The following PPM1H variants were observed in gnomAD, a reference collection of about 807,000 sequenced individuals.
PPM1H encodes protein phosphatase 1H.
In PPM1H, 27 loss-of-function variants were observed where a neutral mutation model predicts 54.9. The observed-to-expected ratio is 0.49, with a 90% CI of 0.36 to 0.68. PPM1H has a LOEUF of 0.68. Ranked by LOEUF, PPM1H falls within the 30% of genes least tolerant of loss-of-function variation. The pLI is 0.00. For synonymous variants in PPM1H, 305 were observed against 270.8 expected (o/e 1.13, Z -1.24); for missense variants, 596 against 667.8 (o/e 0.89, Z 1.19).
chr12:62,759,194 C>T (rs1404845827), intron 4 of PPM1H, among the ~76,000 whole-genome samples: 5 of 152,320 alleles, frequency 3.3e-5, no homozygotes, highest in East Asian at 3.9e-4. Context: ...CACACGAACA[C>T]GTGAGACATT....
intron 4 of PPM1H, among the ~76,000 whole-genome samples, chr12:62,787,023 T>G (rs2120699377): frequency 6.6e-6 from 1 of 152,288 alleles, no homozygotes; most frequent in South Asian, 2.1e-4. Context: ...CCAAAACCAC[T>G]GCCAGGTCGG....
At position 62,903,089 on chromosome 12, in the gene PPM1H, C is replaced by G. The variant is rs900324808; in HGVS notation, c.245+31403G>C. On this transcript the variant is annotated intron_variant, in intron 1 of 9. Coordinates refer to ENST00000228705, the MANE Select transcript of PPM1H (RefSeq NM_020700.2). ...AACTCACTATGTGAGTTGTCACCCC[C>G]TCCTGAGACACATGGACAGAAAATA... Among the ~76,000 whole-genome samples, 9 of 152,284 alleles carry G rather than the reference C, an allele frequency of 5.9e-5. No homozygotes were observed. The South Asian group carries it at 1.0e-3, about 18-fold the overall frequency.
In PPM1H at chr12:62,649,122, T is replaced by A. The variant is rs540105785; in HGVS notation, c.1398-486A>T. ...TAAAAATCATTTAAAATAAATTTTT[T>A]AAAAAAGTGAGTTAAGGAAAAATGT... is the stretch of plus-strand genomic sequence containing the variant. On this transcript the variant is annotated intron_variant, in intron 9 of 9. Transcript: ENST00000228705. Among the ~76,000 whole-genome samples, 42 of 152,234 alleles carry A rather than the reference T, an allele frequency of 2.8e-4. 1 individual carries two copies. The South Asian group carries it at 3.7e-3, about 14-fold the overall frequency.
At chr12:62,898,052 C>T (rs1182423542) in intron 1 of PPM1H, among the ~76,000 whole-genome samples, 1 of 152,206 alleles carries the variant, frequency 6.6e-6, no homozygotes, top group East Asian at 1.9e-4. Context: ...GCTTGGGGAA[C>T]AGTCACTATA....
chr12:62,800,892 C>G (rs2076764320), intron 3 of PPM1H, among the ~76,000 whole-genome samples: 1 of 152,242 alleles, frequency 6.6e-6, no homozygotes, highest in South Asian at 2.1e-4. Context: ...AGCTGTGGCA[C>G]TCTCCCGAGG....
At chr12:62,900,205 T>G (rs1871123585) in intron 1 of PPM1H, among the ~76,000 whole-genome samples, 1 of 152,220 alleles carries the variant, frequency 6.6e-6, no homozygotes. Context: ...ACTTCCTCGT[T>G]TGGATAAGAA....
intron 1 of PPM1H, among the ~76,000 whole-genome samples, chr12:62,931,968 C>T (rs1370578414): frequency 6.6e-6 from 1 of 151,810 alleles, no homozygotes; most frequent in Admixed American, 6.6e-5. Context: ...AAAAAAGAAA[C>T]GCATGATATG....
chr12:62,725,253 G>A (rs1276502754), intron 5 of PPM1H, among the ~76,000 whole-genome samples: 2 of 152,308 alleles, frequency 1.3e-5, no homozygotes, highest in African/African-American at 4.8e-5. Context: ...TCCCACAAAA[G>A]TTTGGTGTGT....
At chr12:62,931,956 A>C (rs754843672) in intron 1 of PPM1H, among the ~76,000 whole-genome samples, 2 of 152,204 alleles carry the variant, frequency 1.3e-5, no homozygotes, top group Non-Finnish European at 2.9e-5. Flanking sequence ...TATTTTGAGA[A>C]GAAAAAAGAA....
intron 1 of PPM1H, among the ~76,000 whole-genome samples, chr12:62,921,260 A>G (rs1378963981): frequency 1.3e-5 from 2 of 152,010 alleles, no homozygotes; most frequent in East Asian, 3.9e-4. Context: ...TCAATTTATC[A>G]CAAGATTTTT....
At chr12:62,737,404 T>C (rs749250607) in intron 5 of PPM1H, 98 bp downstream of exon 5, 27 of 732,626 alleles carry the variant, frequency 3.7e-5, no homozygotes, top group Non-Finnish European at 5.2e-5. Flanking sequence ...TTGAATGCGG[T>C]GAGCCTGCTC....
intron 9 of PPM1H, 36 bp from the exon 10 acceptor site, chr12:62,648,672 A>G (rs2075799890): frequency 6.2e-7 from 1 of 1,604,924 alleles, no homozygotes; most frequent in Admixed American, 1.7e-5. Context: ...CAGTCAGTAG[A>G]GCATCAGACA....
chr12:62,856,602 A>C (rs1869398615), intron 1 of PPM1H, among the ~76,000 whole-genome samples: 1 of 152,232 alleles, frequency 6.6e-6, no homozygotes, highest in Non-Finnish European at 1.5e-5. Context: ...AAAATGATAA[A>C]TGTTTGAGAT....
At chr12:62,794,583 C>A (rs76888154) in intron 3 of PPM1H, among the ~76,000 whole-genome samples, 1 of 152,220 alleles carries the variant, frequency 6.6e-6, no homozygotes, top group East Asian at 1.9e-4. Context: ...GAGATCCTCC[C>A]GGCTATGTCC....
intron 2 of PPM1H, among the ~76,000 whole-genome samples, chr12:62,821,435 C>A (rs2120815612): frequency 6.6e-6 from 1 of 152,264 alleles, no homozygotes; most frequent in South Asian, 2.1e-4. Flanking sequence ...CACAAAGATA[C>A]TCCTCAAGAA....
rs73127939 is a variant in PPM1H, at chr12:62,731,297, G to C, written c.954+6205C>G. Among the ~76,000 whole-genome samples, 1,346 of 152,210 alleles carry C rather than the reference G, an allele frequency of 8.8e-3. 5 individuals are homozygous for C. The highest frequency in any genetic ancestry group is 0.027 in the Middle Eastern group (8 of 294). On this transcript the variant is annotated intron_variant, in intron 5 of 9. Transcript: ENST00000228705. ...TTTATGACTCAGACATTCTCCCAGG[G>C]AGCAAAACACGGAGATATTGAAACT...
rs1364902564 is a variant in PPM1H at position 62,844,488 on chromosome 12, C to G, written c.246-12209G>C. 6.6e-6 allele frequency among the ~76,000 whole-genome samples: 1 copy of G among 152,184 alleles called. No individual in the cohort carries two copies. The highest frequency in any genetic ancestry group is 1.5e-5 in the Non-Finnish European group (1 of 68,032). On this transcript the variant is annotated intron_variant, in intron 1 of 9. Coordinates refer to ENST00000228705, the MANE Select transcript of PPM1H (RefSeq NM_020700.2). This position sits in a 1 kb window ranked among gnomAD's most constrained non-coding sequence, Gnocchi z 5.2. ...CTACGTAGCCACATTCCCCTCAAGGCTCAAGATAACTTAAAGTTCCAACAG... is the reference window on the plus strand; with the variant it reads ...CTACGTAGCCACATTCCCCTCAAGGGTCAAGATAACTTAAAGTTCCAACAG...
intron 5 of PPM1H, chr12:62,720,976 T>TCA (rs1055449754): frequency 1.3e-5 from 2 of 152,420 alleles, no homozygotes; most frequent in African/African-American, 4.8e-5. Flanking sequence ...GACGCAATGC[T>TCA]CACGTACTAA....
chr12:62,683,135 C>T (rs552596241), intron 8 of PPM1H, among the ~76,000 whole-genome samples: 9 of 149,834 alleles, frequency 6.0e-5, no homozygotes, highest in East Asian at 5.9e-4. Context: ...GTCTTGAACT[C>T]CTGGGTTCAA....
Sources: gnomAD v4.1 joint callset for allele counts (sites outside exome capture counted in the v4.1 genomes callset) on GRCh38, gnomAD v4.1.1 for gene constraint, Gnocchi (gnomAD v3.1) non-coding constraint, MANE v1.5 for transcripts, NCBI Gene and HGNC (gene_info 2026-07-23, HGNC 2026-07-21) for gene names.